Variants in GRID1 observed in about 807,000 individuals in gnomAD.
GRID1 encodes the protein glutamate receptor ionotropic, delta-1.
Under a neutral mutation model 98.0 loss-of-function variants are expected in GRID1, and 28 were observed. The observed-to-expected ratio is 0.29, with a 90% CI of 0.21 to 0.39. GRID1 has a LOEUF of 0.39. Among genes scored for constraint, GRID1 ranks in the 10% least tolerant of loss-of-function variants. The probability of loss-of-function intolerance (pLI) is 1.00; values close to 1 mark genes in which losing one functional copy is unlikely to be tolerated. For synonymous variants in GRID1, 553 were observed against 538.5 expected (o/e 1.03, Z -0.37); for missense variants, 1,111 against 1,340.5 (o/e 0.83, Z 2.67).
chr10:85,620,320 G>T (rs952151381), intron 13 of GRID1, among the ~76,000 whole-genome samples: 3 of 152,208 alleles, frequency 2.0e-5, no homozygotes, highest in Admixed American at 1.3e-4. Flanking sequence ...GAGCTTCCTG[G>T]TCACAGTGCT....
At chr10:86,017,993 C>T (rs923288301) in intron 4 of GRID1, among the ~76,000 whole-genome samples, 43 of 152,344 alleles carry the variant, frequency 2.8e-4, no homozygotes, top group African/African-American at 9.1e-4. Context: ...TCCTGTGCCA[C>T]GTCCCTCCTC....
At chr10:86,283,346 C>T (rs896368984) in intron 2 of GRID1, among the ~76,000 whole-genome samples, 1 of 152,210 alleles carries the variant, frequency 6.6e-6, no homozygotes, top group Non-Finnish European at 1.5e-5. Context: ...AGCACCCAGG[C>T]CTTTCACCTC....
intron 4 of GRID1, among the ~76,000 whole-genome samples, chr10:86,045,030 A>C (rs1464705212): frequency 1.3e-5 from 2 of 152,200 alleles, no homozygotes; most frequent in Non-Finnish European, 2.9e-5. Flanking sequence ...AAGGACCACA[A>C]ATCCTTGCTC....
intron 4 of GRID1, among the ~76,000 whole-genome samples, chr10:85,938,587 A>G (rs181732486): frequency 8.5e-5 from 13 of 152,296 alleles, no homozygotes; most frequent in African/African-American, 2.9e-4. Context: ...GACATCATAA[A>G]ATGCCACGAT....
intron 8 of GRID1, among the ~76,000 whole-genome samples, chr10:85,753,597 T>A (rs1842068537): frequency 6.6e-6 from 1 of 152,188 alleles, no homozygotes; most frequent in East Asian, 1.9e-4. Flanking sequence ...ATTCTAGACT[T>A]TATCTGGTCT....
chr10:85,839,151 C>T (rs946696761), intron 8 of GRID1, among the ~76,000 whole-genome samples: 2 of 152,138 alleles, frequency 1.3e-5, no homozygotes, highest in Admixed American at 1.3e-4. Context: ...AAAGCAAGTT[C>T]TTAGAGACAT....
At chr10:85,845,643 C>G (rs1250150850) in intron 8 of GRID1, among the ~76,000 whole-genome samples, 1 of 152,208 alleles carries the variant, frequency 6.6e-6, no homozygotes, top group East Asian at 1.9e-4. Flanking sequence ...TCCTCCACCT[C>G]CTGACTGACC....
At chr10:86,300,537 AGGGGAG>A (rs1847669272) in intron 2 of GRID1, among the ~76,000 whole-genome samples, 2 of 3,598 alleles carry the variant, frequency 5.6e-4, no homozygotes, top group Admixed American at 8.3e-3. Flanking sequence ...AGGGGAGGGG[AGGGGAG>A]GGGAGGGGAG....
intron 8 of GRID1, among the ~76,000 whole-genome samples, chr10:85,845,609 T>C (rs2131774497): frequency 6.6e-6 from 1 of 152,162 alleles, no homozygotes; most frequent in East Asian, 1.9e-4. Flanking sequence ...TCTTGAAAAA[T>C]AAGTATGAAG....
intron 13 of GRID1, among the ~76,000 whole-genome samples, chr10:85,643,740 T>C (rs1843152103): frequency 6.6e-6 from 1 of 151,898 alleles, no homozygotes. Context: ...TTCTTAGAGA[T>C]CCAAATGCAA....
chr10:85,627,640 C>T (rs779368563), intron 13 of GRID1, among the ~76,000 whole-genome samples: 1 of 152,236 alleles, frequency 6.6e-6, no homozygotes, highest in East Asian at 1.9e-4. Flanking sequence ...TTACGGATAT[C>T]GAGGCTCGGC....
At chr10:85,734,924 T>G (rs994457063) in intron 8 of GRID1, among the ~76,000 whole-genome samples, 6 of 152,152 alleles carry the variant, frequency 3.9e-5, no homozygotes, top group Non-Finnish European at 8.8e-5. Flanking sequence ...CACCCAAGAT[T>G]AGGAGAGACA....
At chr10:85,887,081 G>A (rs773501774) in intron 5 of GRID1, among the ~76,000 whole-genome samples, 17 of 152,310 alleles carry the variant, frequency 1.1e-4, no homozygotes, top group Middle Eastern at 6.8e-3. Context: ...GGCAAGGCCA[G>A]CTTAAGAAAA....
At chr10:86,074,607 C>T (rs1343313709) in intron 4 of GRID1, among the ~76,000 whole-genome samples, 8 of 152,178 alleles carry the variant, frequency 5.3e-5, no homozygotes, top group African/African-American at 1.9e-4. Flanking sequence ...CACTGATGGA[C>T]ACTTAGGTTG....
chr10:85,871,176 C>T (rs1187676231), intron 5 of GRID1, among the ~76,000 whole-genome samples: 2 of 152,178 alleles, frequency 1.3e-5, no homozygotes, highest in African/African-American at 2.4e-5. Flanking sequence ...CGACGAACAT[C>T]GCAGCTTAGC....
chr10:86,331,323 C>T (rs985860977), intron 2 of GRID1, among the ~76,000 whole-genome samples: 39 of 152,186 alleles, frequency 2.6e-4, no homozygotes, highest in Admixed American at 2.0e-4. Context: ...CACACAGAGC[C>T]GTCCTGACAG....
chr10:85,613,518 G>T lies in GRID1; in HGVS notation c.2490C>A (p.Ser830Arg). Residue 830 changes from serine to arginine, a missense_variant, in exon 15 of 16, where the codon AGC becomes AGA. Around this residue, in one of 3 missense-constraint regions of GRID1, gnomAD observed 762 missense variants for 869.1 expected, o/e 0.88. Coordinates refer to ENST00000327946, the MANE Select transcript of GRID1 (RefSeq NM_017551.3). Reference sequence around the variant, plus strand: ...CCAGGATGCAGAAGACCCCGGCGAAGCTGTGCAGCTTGAGGGATTTGCCGT... The same window carrying T: ...CCAGGATGCAGAAGACCCCGGCGAATCTGTGCAGCTTGAGGGATTTGCCGT... ...QADGKSLKLH[S>R]FAGVFCILAI... is the part of the protein sequence containing the mutation. 1.2e-6 allele frequency: 2 copies of T among 1,614,204 alleles called. No individual in the cohort carries two copies. The highest frequency in any genetic ancestry group is 1.7e-6 in the Non-Finnish European group (2 of 1,180,046).
At chr10:86,154,467 G>T (rs1845215167) in intron 3 of GRID1, among the ~76,000 whole-genome samples, 1 of 152,060 alleles carries the variant, frequency 6.6e-6, no homozygotes, top group Non-Finnish European at 1.5e-5. Flanking sequence ...CGAGCCCCAA[G>T]GGCCACAGTC....
intron 12 of GRID1, among the ~76,000 whole-genome samples, chr10:85,717,521 C>G (rs1841653555): frequency 6.6e-6 from 1 of 152,062 alleles, no homozygotes; most frequent in African/African-American, 2.4e-5. Context: ...AAGGCCGGCC[C>G]CCATGATTCA....
Sources: allele counts gnomAD v4.1 joint callset (sites outside exome capture counted in the v4.1 genomes callset), GRCh38; gene constraint gnomAD v4.1.1; regional missense constraint gnomAD v4.1.1; transcripts MANE v1.5; gene names NCBI Gene and HGNC (gene_info 2026-07-23, HGNC 2026-07-21).